Variants in GALK2 observed in about 807,000 individuals in gnomAD.
GALK2 encodes the protein N-acetylgalactosamine kinase.
A neutral mutation model predicts 52.4 loss-of-function variants in GALK2; 36 were observed. The observed-to-expected ratio is 0.69, with a 90% CI of 0.53 to 0.91. The LOEUF is 0.91. Ranked by LOEUF, GALK2 falls within the 40% of genes least tolerant of loss-of-function variation. GALK2 has a pLI of 0.00. For missense variants in GALK2, 579 were observed against 559.1 expected, an observed-to-expected ratio of 1.04 and a Z score of -0.36; for synonymous variants, 176 against 199.1, an observed-to-expected ratio of 0.88 and a Z score of 0.98.
intron 5 of GALK2, among the ~76,000 whole-genome samples, chr15:49,260,197 A>G (rs1412805838): frequency 1.3e-5 from 2 of 152,186 alleles, no homozygotes; most frequent in African/African-American, 2.4e-5. Context: ...AGTCCCACCA[A>G]CAGTGTAAAA....
intron 3 of GALK2, among the ~76,000 whole-genome samples, chr15:49,362,760 C>G (rs1327793313): frequency 2.8e-5 from 3 of 105,670 alleles, no homozygotes; most frequent in Non-Finnish European, 4.7e-5. Flanking sequence ...AGGTTTAGGT[C>G]TTACACTTAA....
At chr15:49,343,882 T>C (rs2151248227) in intron 3 of GALK2, 1 of 152,302 alleles carries the variant, frequency 6.6e-6, no homozygotes, top group East Asian at 1.9e-4. Context: ...TAAGTGTCCA[T>C]ATGAACTACA....
intron 1 of GALK2, among the ~76,000 whole-genome samples, chr15:49,174,014 G>T (rs1035144072): frequency 6.6e-6 from 1 of 152,118 alleles, no homozygotes; most frequent in Non-Finnish European, 1.5e-5. Flanking sequence ...GGGATTACAG[G>T]CTGAGCCGCT....
At chr15:49,314,912 A>G (rs563757702) in intron 8 of GALK2, among the ~76,000 whole-genome samples, 1 of 152,376 alleles carries the variant, frequency 6.6e-6, no homozygotes, top group East Asian at 1.9e-4. Flanking sequence ...CAGGACAACA[A>G]AACAGCTACT....
chr15:49,191,985 T>C (rs2086756484), intron 1 of GALK2, among the ~76,000 whole-genome samples: 1 of 152,150 alleles, frequency 6.6e-6, no homozygotes, highest in Non-Finnish European at 1.5e-5. Context: ...ATTCTAATGT[T>C]TCCATTATTT....
chr15:49,176,679 G>T (rs1326059170), intron 1 of GALK2, among the ~76,000 whole-genome samples: 1 of 152,130 alleles, frequency 6.6e-6, no homozygotes, highest in Non-Finnish European at 1.5e-5. Flanking sequence ...TTCCTGGAAT[G>T]AACTCTGCTT....
intron 5 of GALK2, among the ~76,000 whole-genome samples, chr15:49,249,894 A>C (rs759947456): frequency 7.2e-5 from 11 of 152,178 alleles, no homozygotes; most frequent in Admixed American, 7.2e-4. Flanking sequence ...TACCTTTCTC[A>C]GCATTCCACA....
chr15:49,332,066 C>T (rs1474297296), downstream of GALK2, among the ~76,000 whole-genome samples: 6 of 149,376 alleles, frequency 4.0e-5, no homozygotes, highest in Non-Finnish European at 8.9e-5. Flanking sequence ...GACACCCACC[C>T]CCGCTGCATG....
intron 1 of GALK2, among the ~76,000 whole-genome samples, chr15:49,157,156 G>C (rs562580056): frequency 1.2e-4 from 19 of 152,068 alleles, no homozygotes; most frequent in Non-Finnish European, 2.5e-4. Flanking sequence ...CTTTTAAATT[G>C]GTCATATGAC....
upstream of GALK2, chr15:49,169,096 C>G: frequency 6.5e-6 from 1 of 152,710 alleles, no homozygotes. Context: ...GTTTCCTTCC[C>G]CCTTCCTCCT....
chr15:49,234,439 C>T (rs1358586646), intron 3 of GALK2, among the ~76,000 whole-genome samples: 1 of 152,082 alleles, frequency 6.6e-6, no homozygotes, highest in African/African-American at 2.4e-5. Context: ...AGAGAAAAAC[C>T]CTAGGCTGGG....
chr15:49,355,826 AG>A (rs879744637), intron 3 of GALK2, among the ~76,000 whole-genome samples: 8 of 152,194 alleles, frequency 5.3e-5, no homozygotes, highest in Admixed American at 1.3e-4. Flanking sequence ...AAAAATGTTA[AG>A]GGCAGCTAGA....
chr15:49,365,859 T>C (rs569741232), intron 3 of GALK2: 1 of 906,376 alleles, frequency 1.1e-6, no homozygotes, highest in African/African-American at 1.6e-5. Flanking sequence ...CAATTGTGCA[T>C]TGTCCATATG....
downstream of GALK2, among the ~76,000 whole-genome samples, chr15:49,336,417 A>G (rs1252473429): frequency 6.6e-6 from 1 of 152,318 alleles, no homozygotes; most frequent in Middle Eastern, 3.4e-3. Flanking sequence ...ACAGCTCCTC[A>G]GCTTGTGTTA....
intron 1 of GALK2, among the ~76,000 whole-genome samples, chr15:49,192,930 G>T (rs1321450230): frequency 1.3e-5 from 2 of 151,406 alleles, no homozygotes; most frequent in East Asian, 3.9e-4. Context: ...GATTACAGGT[G>T]TGGGCCACTG....
intron 1 of GALK2, among the ~76,000 whole-genome samples, chr15:49,172,974 A>G (rs1315001157): frequency 6.6e-6 from 1 of 152,240 alleles, no homozygotes; most frequent in Non-Finnish European, 1.5e-5. Flanking sequence ...TCATAGAGCT[A>G]TGCAACCATC....
chr15:49,336,189 C>T (rs2039683353), downstream of GALK2, among the ~76,000 whole-genome samples: 1 of 152,224 alleles, frequency 6.6e-6, no homozygotes, highest in Non-Finnish European at 1.5e-5. Context: ...TGCGTGGCTG[C>T]CTCAGTTAGC....
downstream of GALK2, among the ~76,000 whole-genome samples, chr15:49,333,838 A>G (rs979289134): frequency 2.0e-5 from 3 of 152,222 alleles, no homozygotes; most frequent in Admixed American, 6.5e-5. Flanking sequence ...AATTTATAAA[A>G]TAAATGAGCC....
chr15:49,311,905 G>C (rs1408266091), intron 8 of GALK2, among the ~76,000 whole-genome samples: 2 of 152,314 alleles, frequency 1.3e-5, no homozygotes, highest in Non-Finnish European at 2.9e-5. Flanking sequence ...TTGCCTGTGG[G>C]CCAATGGTAG....
Sources: allele counts gnomAD v4.1 joint callset (sites outside exome capture counted in the v4.1 genomes callset), GRCh38; gene constraint gnomAD v4.1.1; transcripts MANE v1.5; gene names NCBI Gene and HGNC (gene_info 2026-07-23, HGNC 2026-07-21).